The following VMA21 variants were observed in gnomAD, a reference collection of about 807,000 sequenced individuals.
VMA21 encodes vacuolar ATPase assembly factor VMA21.
For missense variants in VMA21, 61 were observed against 80.6 expected, an observed-to-expected ratio of 0.76 and a Z score of 0.93; for synonymous variants, 47 against 34.1, an observed-to-expected ratio of 1.38 and a Z score of -1.32.
chrX:151,404,830 C>T, intron 2 of VMA21, 86 bp from the exon 3 acceptor site: 1 of 1,083,759 alleles, frequency 9.2e-7, no homozygotes, highest in African/African-American at 1.8e-5. Context: ...ATAAATACAT[C>T]ATAAAAATTA....
In VMA21 at chrX:151,407,999, C is replaced by T. The variant is rs1490530598; in HGVS notation, c.*2941C>T. The stretch of plus-strand genomic sequence containing the variant: ...CTCCGCCTCCCGGGTTCAAGCAGTT[C>T]TCCTGCCTCAGCCCCCTGAGTACCT... On this transcript the variant is annotated 3_prime_UTR_variant, in exon 3 of 3. Coordinates refer to ENST00000330374, the MANE Select transcript of VMA21 (RefSeq NM_001017980.4). 3 of 109,028 alleles carry T rather than the reference C, an allele frequency of 2.8e-5. No homozygotes were observed. Among genetic ancestry groups the T allele is most frequent in the African/African-American group, 1.0e-4 (3 of 29,836 alleles). The allele number at this position is 109,028 out of a possible 1,213,427, so 9.0% of individuals were successfully genotyped here.
Position 151,408,489 on chromosome X carries a change from T to C in VMA21, c.*3431T>C, listed in dbSNP as rs934689523. ...ATGCCCAAGTGAAGTTGTAAACTTA[T>C]GGTTCAACTCTGACACAGAATTTGT... On this transcript the variant is annotated 3_prime_UTR_variant, in exon 3 of 3. Transcript: ENST00000330374. The C allele has an allele frequency of 5.3e-5, 6 of 112,547 alleles. No individual in the cohort carries two copies. Among genetic ancestry groups the C allele is most frequent in the African/African-American group, 1.9e-4 (6 of 30,947 alleles). The allele number at this position is 112,547 out of a possible 1,213,427, so 9.3% of individuals were successfully genotyped here. A position where few individuals can be genotyped will look rare whatever the true frequency, so the allele number is the denominator to read the frequency against.
intron 1 of VMA21, among the ~76,000 whole-genome samples, chrX:151,398,358 C>T (rs533905370): frequency 3.7e-5 from 4 of 108,399 alleles, no homozygotes; most frequent in African/African-American, 1.3e-4. Context: ...CAGCCTCCAC[C>T]CTCAAGTAGA....
intron 1 of VMA21, among the ~76,000 whole-genome samples, chrX:151,401,734 G>A (rs2011238399): frequency 9.0e-6 from 1 of 111,249 alleles, no homozygotes. Flanking sequence ...CATCGCCTTG[G>A]TTAAATTTAT....
chrX:151,397,377 G>T lies in VMA21; in HGVS notation c.53+16G>T. The stretch of plus-strand genomic sequence containing the variant: ...CTGAGTTCAGGTAGCCCTGAGCGGG[G>T]CCTGGACCGCGAGGCGGACTGGCCC... On this transcript the variant is annotated intron_variant, in intron 1 of 2. Transcript: ENST00000330374. The T allele has an allele frequency of 8.6e-7, 1 of 1,159,818 alleles. No individual in the cohort carries two copies. The highest frequency in any genetic ancestry group is 1.1e-6 in the Non-Finnish European group (1 of 871,869).
At position 151,405,353 on chromosome X, in the gene VMA21, A is replaced by C. The variant is rs1191432356; in HGVS notation, c.*295A>C. 4.1e-6 allele frequency: 1 copy of C among 242,357 alleles called. No individual in the cohort carries two copies. The highest frequency in any genetic ancestry group is 7.3e-6 in the Non-Finnish European group (1 of 136,915). The allele number at this position is 242,357 out of a possible 1,213,427, so 20.0% of individuals were successfully genotyped here. A position where few individuals can be genotyped will look rare whatever the true frequency, so the allele number is the denominator to read the frequency against. On this transcript the variant is annotated 3_prime_UTR_variant, in exon 3 of 3. Transcript: ENST00000330374. ...CTTCTTTCAACAAAACATGTTTTAT[A>C]GTATTCTGACTTACGGTTGCTTTTG...
In VMA21 at chrX:151,406,913, A is replaced by G. The variant is rs7067140; in HGVS notation, c.*1855A>G. ...TAACTGTTGAGAAAAGTGAAAGATC[A>G]GTATGATTATTATGGAACTGTTTTT... On this transcript the variant is annotated 3_prime_UTR_variant, in exon 3 of 3. Transcript: ENST00000330374. 0.46 allele frequency: 51,658 copies of G among 111,110 alleles called. 9,010 individuals carry two copies. Among genetic ancestry groups the G allele is most frequent in the Non-Finnish European group, 0.53 (27,860 of 52,937 alleles). 9.2% of individuals were successfully genotyped at this position (111,110 alleles called of 1,213,427 possible).
At chrX:151,401,967 C>G (rs1274793605) in intron 1 of VMA21, among the ~76,000 whole-genome samples, 1 of 110,073 alleles carries the variant, frequency 9.1e-6, no homozygotes, top group African/African-American at 3.3e-5. Context: ...CCTAGGCTTG[C>G]GTCAAACTCC....
At chrX:151,400,324 G>A (rs776163904) in intron 1 of VMA21, among the ~76,000 whole-genome samples, 1 of 72,631 alleles carries the variant, frequency 1.4e-5, no homozygotes, top group Admixed American at 1.4e-4. Flanking sequence ...TCGTCTTTCT[G>A]CGTTTGGCTT....
chrX:151,396,876 C>G (rs1228885850), upstream of VMA21: 6 of 522,106 alleles, frequency 1.1e-5, no homozygotes, highest in African/African-American at 2.3e-5. Context: ...GCTCAGCGAC[C>G]GAGACGCAGA....
At position 151,403,709 on chromosome X, in the gene VMA21, A is replaced by G. The variant is rs977318450; in HGVS notation, c.132A>G (p.Leu44=). 8 of 1,203,764 alleles carry G rather than the reference A, an allele frequency of 6.6e-6. No homozygotes were observed. Among genetic ancestry groups the G allele is most frequent in the African/African-American group, 1.7e-5 (1 of 57,274 alleles). ...TAATGATCACTGTTCCTATTGGGTT[A>G]TATTTCACAACTAAATCTTACATAT... is the stretch of plus-strand genomic sequence containing the variant. The part of the protein sequence containing the change: ...TALMITVPIG[L]YFTTKSYIFE... The change falls in exon 2 of 3, where the codon TTA becomes TTG. Residue 44 remains leucine, a synonymous_variant. Coordinates refer to ENST00000330374, the MANE Select transcript of VMA21 (RefSeq NM_001017980.4).
At chrX:151,398,374 C>T (rs2011211553) in intron 1 of VMA21, among the ~76,000 whole-genome samples, 1 of 102,473 alleles carries the variant, frequency 9.8e-6, no homozygotes, top group Non-Finnish European at 2.1e-5. Flanking sequence ...GTAGACCGCA[C>T]TGTCTGTTGT....
At position 151,406,684 on chromosome X, in the gene VMA21, T is replaced by C. The variant is rs1036839651; in HGVS notation, c.*1626T>C. The stretch of plus-strand genomic sequence containing the variant: ...GCGTGAGCTACCACGCCCGGCCTTA[T>C]TGACCATTTTCTAAATAAGCACATT... On this transcript the variant is annotated 3_prime_UTR_variant, in exon 3 of 3. Coordinates refer to ENST00000330374, the MANE Select transcript of VMA21 (RefSeq NM_001017980.4). 30 of 112,133 alleles carry C rather than the reference T, an allele frequency of 2.7e-4. No individual in the cohort carries two copies. Among genetic ancestry groups the C allele is most frequent in the African/African-American group, 7.8e-4 (24 of 30,859 alleles). The allele number at this position is 112,133 out of a possible 1,213,427, so 9.2% of individuals were successfully genotyped here.
Position 151,405,504 on chromosome X carries a change from GA to G in VMA21, c.*449del, listed in dbSNP as rs2011281822. 8.4e-6 allele frequency: 1 copy of G among 119,205 alleles called. No homozygotes were observed. The highest frequency in any genetic ancestry group is 8.9e-5 in the Admixed American group (1 of 11,249). The allele number at this position is 119,205 out of a possible 1,213,427, so 9.8% of individuals were successfully genotyped here. Reference sequence around the variant, plus strand: ...GGATTTGGGATTTTAATTTCCTATGGAAAGTTGCTTAAATTGTGGACACTGG... The same window carrying G: ...GGATTTGGGATTTTAATTTCCTATGGAAGTTGCTTAAATTGTGGACACTGG... On this transcript the variant is annotated 3_prime_UTR_variant, in exon 3 of 3. Coordinates refer to ENST00000330374, the MANE Select transcript of VMA21 (RefSeq NM_001017980.4).
Position 151,404,993 on chromosome X carries a change from G to T in VMA21, c.241G>T (p.Ala81Ser). The T allele has an allele frequency of 1.7e-6, 2 of 1,211,137 alleles. No homozygotes were observed. Among genetic ancestry groups the T allele is most frequent in the Non-Finnish European group, 2.2e-6 (2 of 895,376 alleles). Reference protein sequence around the residue: ...VAVVAVHVVLALFVYVAWNEG... With the variant: ...VAVVAVHVVLSLFVYVAWNEG... Reference sequence around the variant, plus strand: ...AGTGGTCGCCGTCCATGTGGTGCTGGCCCTCTTTGTGTATGTGGCCTGGAA... The same window carrying T: ...AGTGGTCGCCGTCCATGTGGTGCTGTCCCTCTTTGTGTATGTGGCCTGGAA... Residue 81 changes from alanine to serine, a missense_variant, in exon 3 of 3, where the codon GCC becomes TCC. Coordinates refer to ENST00000330374, the MANE Select transcript of VMA21 (RefSeq NM_001017980.4).
intron 1 of VMA21, among the ~76,000 whole-genome samples, chrX:151,403,394 G>A (rs957189888): frequency 7.1e-5 from 8 of 112,585 alleles, no homozygotes; most frequent in African/African-American, 2.3e-4. Context: ...CTGACGCTTC[G>A]TCTTACACTG....
In VMA21 at chrX:151,405,177, G is replaced by A. The variant is rs1454245279; in HGVS notation, c.*119G>A. The A allele has an allele frequency of 1.2e-5, 10 of 830,613 alleles. No homozygotes were observed. Among genetic ancestry groups the A allele is most frequent in the South Asian group, 5.0e-5 (2 of 40,337 alleles). 68.5% of individuals were successfully genotyped at this position (830,613 alleles called of 1,213,427 possible). A position where few individuals can be genotyped will look rare whatever the true frequency, so the allele number is the denominator to read the frequency against. ...GTTAAAGTCAGTCTTAAGGAGTCAC[G>A]TTTGAGTATGTAAATTTTGATCTTT... On this transcript the variant is annotated 3_prime_UTR_variant, in exon 3 of 3. Coordinates refer to ENST00000330374, the MANE Select transcript of VMA21 (RefSeq NM_001017980.4).
At chrX:151,401,000 GTTGA>G (rs1412315012) in intron 1 of VMA21, among the ~76,000 whole-genome samples, 1 of 111,989 alleles carries the variant, frequency 8.9e-6, no homozygotes, top group African/African-American at 3.2e-5. Context: ...TTTTCATTTT[GTTGA>G]TTGTTTCCTT....
At chrX:151,398,964 A>G (rs987662858) in intron 1 of VMA21, among the ~76,000 whole-genome samples, 5 of 112,842 alleles carry the variant, frequency 4.4e-5, no homozygotes, top group African/African-American at 1.3e-4. Context: ...GGATAAATCA[A>G]TTGAATAGCA....
Sources: gnomAD v4.1 joint callset for allele counts (sites outside exome capture counted in the v4.1 genomes callset) on GRCh38, gnomAD v4.1.1 for gene constraint, MANE v1.5 for transcripts, NCBI Gene and HGNC (gene_info 2026-07-23, HGNC 2026-07-21) for gene names.